APC2: variants seen among roughly 807,000 people sequenced by gnomAD.
APC2 encodes the protein adenomatous polyposis coli protein 2.
APC2 carries 41 observed loss-of-function variants against 72.5 expected under a neutral mutation model. That is an observed-to-expected ratio of 0.57 (90% CI 0.44 to 0.73). The LOEUF is 0.73. Ranked by LOEUF, APC2 falls within the 30% of genes least tolerant of loss-of-function variation. The pLI, the probability that APC2 is intolerant of heterozygous loss-of-function variation, is 0.00. For missense variants in APC2, 3,729 were observed against 3,403.4 expected (o/e 1.10, Z -2.38); for synonymous variants, 1,898 against 1,612.0 (o/e 1.18, Z -4.25).
At chr19:1,449,406 C>T (rs988840264), upstream of APC2, among the ~76,000 whole-genome samples, 9 of 152,152 alleles carry the variant, frequency 5.9e-5, no homozygotes, top group African/African-American at 1.9e-4. Context: ...GACCCCTGGC[C>T]CTTCCCTCCT....
chr19:1,469,094 G>C lies in APC2; in HGVS notation c.5793G>C (p.Pro1931=), dbSNP rs200464281. ...HKTQRSPVRI[P]FMQRPARRGP... is the part of the protein sequence containing the mutation. ...CGCAGAGATCGCCCGTGCGGATCCCGTTCATGCAGAGGCCGGCCCGGCGTG... is the reference window on the plus strand; with the variant it reads ...CGCAGAGATCGCCCGTGCGGATCCCCTTCATGCAGAGGCCGGCCCGGCGTG... Residue 1931 remains proline, a synonymous_variant, in exon 15 of 15, where the codon CCG becomes CCC. Coordinates refer to ENST00000590469, the MANE Select transcript of APC2 (RefSeq NM_005883.3). 3.1e-5 allele frequency: 45 copies of C among 1,463,476 alleles called. No homozygotes were observed. Among genetic ancestry groups the C allele is most frequent in the African/African-American group, 4.5e-5 (3 of 67,240 alleles). 90.7% of individuals were successfully genotyped at this position (1,463,476 alleles called of 1,614,324 possible). A position where few individuals can be genotyped will look rare whatever the true frequency, so the allele number is the denominator to read the frequency against.
Position 1,456,885 on chromosome 19 carries a change from G to A in APC2, c.849G>A (p.Leu283=), listed in dbSNP as rs200347634. Residue 283 remains leucine, a synonymous_variant, in exon 9 of 15, where the codon TTG becomes TTA. Transcript: ENST00000590469. ...VEVVFWLLSM[L]ATRDQEDTAR... ...TGGTCTTCTGGCTGTTGTCCATGTT[G>A]GCGACGCGCGACCAGGAGGATACAG... is the stretch of plus-strand genomic sequence containing the variant. 48 of 1,592,890 alleles carry A rather than the reference G, an allele frequency of 3.0e-5. No homozygotes were observed. In the African/African-American group the frequency reaches 5.9e-4, roughly 20 times the overall value.
At position 1,469,547 on chromosome 19, in the gene APC2, C is replaced by A; in HGVS notation, c.6246C>A (p.Ser2082=). The change falls in exon 15 of 15, where the codon TCC becomes TCA. Residue 2082 remains serine (S), a synonymous_variant. Transcript: ENST00000590469. ...PARRTTSESP[S]RLPVRAPAAR... ...GGCGCACCACCTCCGAGAGCCCGTCCCGCCTGCCTGTGCGCGCGCCCGCCG... is the reference window on the plus strand; with the variant it reads ...GGCGCACCACCTCCGAGAGCCCGTCACGCCTGCCTGTGCGCGCGCCCGCCG... 1.6e-6 allele frequency: 2 copies of A among 1,220,318 alleles called. No individual in the cohort carries two copies. The highest frequency in any genetic ancestry group is 1.0e-6 in the Non-Finnish European group (1 of 965,718). The allele number at this position is 1,220,318 out of a possible 1,614,324, so 75.6% of individuals were successfully genotyped here. A position where few individuals can be genotyped will look rare whatever the true frequency, so the allele number is the denominator to read the frequency against.
Position 1,452,935 on chromosome 19 carries a change from C to T in APC2, c.-18-49C>T, listed in dbSNP as rs553861145. 51 of 1,581,402 alleles carry T rather than the reference C, an allele frequency of 3.2e-5. No homozygotes were observed. Among genetic ancestry groups the T allele is most frequent in the Admixed American group, 5.2e-5 (3 of 57,958 alleles). On this transcript the variant is annotated intron_variant, in intron 1 of 14. Transcript: ENST00000590469. The surrounding 1 kb of genome is among the most constrained non-coding windows in gnomAD (Gnocchi z 5.1). ...GGGCCGTCTGTCCGGAAGGCATCAC[C>T]GCGCCCTCCCCAGACCATCAGCTGA...
chr19:1,461,444 C>A (rs938128774), intron 13 of APC2: 1 of 483,928 alleles, frequency 2.1e-6, no homozygotes, highest in Non-Finnish European at 3.7e-6. Context: ...CAGCGGGCGC[C>A]TGTTAGTCCA....
At position 1,465,278 on chromosome 19, in the gene APC2, C is replaced by T. The variant is rs1568177264; in HGVS notation, c.1977C>T (p.Asp659=). 6.2e-7 allele frequency: 1 copy of T among 1,605,356 alleles called. No homozygotes were observed. The highest frequency in any genetic ancestry group is 8.5e-7 in the Non-Finnish European group (1 of 1,178,896). The change falls in exon 15 of 15, where the codon GAC becomes GAT. Residue 659 remains aspartate, a synonymous_variant. Transcript: ENST00000590469. ...LWNLSARSAR[D]QELLWDLGAV... ...ACCTGTCGGCCCGCAGCGCCCGTGA[C>T]CAGGAGCTGCTGTGGGACCTGGGCG...
upstream of APC2, among the ~76,000 whole-genome samples, chr19:1,447,496 G>C (rs2083698169): frequency 6.6e-6 from 1 of 152,160 alleles, no homozygotes; most frequent in African/African-American, 2.4e-5. Flanking sequence ...GCCTAGGTCG[G>C]GGTCTTGGGC....
rs753530760 is a variant in APC2 at position 1,465,950 on chromosome 19, G to T, written c.2649G>T (p.Ala883=). 1 of 1,577,286 alleles carries T rather than the reference G, an allele frequency of 6.3e-7. No individual in the cohort carries two copies. ...SLSSGDPGQE[A]PREGRAQSCS... ...GCTCTGGAGACCCGGGACAGGAGGC[G>T]CCACGGGAGGGCCGCGCCCAGTCCT... Residue 883 remains alanine (A), a synonymous_variant, in exon 15 of 15, where the codon GCG becomes GCT. Transcript: ENST00000590469.
At position 1,456,840 on chromosome 19, in the gene APC2, GC is replaced by G; in HGVS notation, c.817-10del. ...AGGTGAGGGACCCCACCCTGACCCT[GC>G]CCTCCCCCCAGGTGGAGGTGGTCTT... On this transcript the variant is annotated splice_polypyrimidine_tract_variant and intron_variant, in intron 8 of 14. Transcript: ENST00000590469. 5.0e-6 allele frequency: 8 copies of G among 1,591,412 alleles called. No individual in the cohort carries two copies. Among genetic ancestry groups the G allele is most frequent in the Admixed American group, 1.7e-5 (1 of 58,356 alleles).
At position 1,466,422 on chromosome 19, in the gene APC2, G is replaced by A. The variant is rs1202975069; in HGVS notation, c.3121G>A (p.Glu1041Lys). 1.3e-6 allele frequency: 2 copies of A among 1,597,472 alleles called. No individual in the cohort carries two copies. The highest frequency in any genetic ancestry group is 1.7e-6 in the Non-Finnish European group (2 of 1,178,844). ...GGCAGACCACCTGAGCAAGGTTCCC[G>A]AGAAGCTGGCGGCTGCCCCGCTGTC... ...LPADHLSKVPEKLAAAPLSVA... is the reference protein window; with the variant it reads ...LPADHLSKVPKKLAAAPLSVA... Residue 1041 changes from glutamate to lysine, a missense_variant, in exon 15 of 15, where the codon GAG becomes AAG. Glu to Lys is a moderately conservative substitution (Grantham distance 56, BLOSUM62 1). Transcript: ENST00000590469.
chr19:1,468,212 G>A lies in APC2; in HGVS notation c.4911G>A (p.Leu1637=). Residue 1637 remains leucine (L), a synonymous_variant, in exon 15 of 15, where the codon CTG becomes CTA. Coordinates refer to ENST00000590469, the MANE Select transcript of APC2 (RefSeq NM_005883.3). ...TGCAGCGGTGCATCAGCTCGGCCCT[G>A]CCCAGGCGCCGGCCCCCCGTGTCTG... ...ELLQRCISSA[L]PRRRPPVSGL... 2.0e-6 allele frequency: 3 copies of A among 1,475,280 alleles called. No individual in the cohort carries two copies. Among genetic ancestry groups the A allele is most frequent in the Non-Finnish European group, 1.8e-6 (2 of 1,121,946 alleles). The allele number at this position is 1,475,280 out of a possible 1,614,324, so 91.4% of individuals were successfully genotyped here.
intron 14 of APC2, 97 bp downstream of exon 14, chr19:1,462,274 A>C (rs1435124305): frequency 1.8e-6 from 2 of 1,135,690 alleles, no homozygotes; most frequent in Admixed American, 4.9e-5. Context: ...CATGCTCCCA[A>C]GGCTTCCCCA....
Position 1,467,645 on chromosome 19 carries a change from C to T in APC2, c.4344C>T (p.Ala1448=), listed in dbSNP as rs1346610174. The T allele has an allele frequency of 2.0e-6, 3 of 1,480,140 alleles. No homozygotes were observed. The highest frequency in any genetic ancestry group is 2.3e-5 in the Admixed American group (1 of 43,736). 91.7% of individuals were successfully genotyped at this position (1,480,140 alleles called of 1,614,324 possible). A position where few individuals can be genotyped will look rare whatever the true frequency, so the allele number is the denominator to read the frequency against. ...GGCACCGGCACAAGGCGGGAGGCGC[C>T]GGCCGCAGCGCGGAGCAGTCTCGGG... The part of the protein sequence containing the change: ...AMGHRHKAGG[A]GRSAEQSRGA... The change falls in exon 15 of 15, where the codon GCC becomes GCT. Residue 1448 remains alanine (A), a synonymous_variant. Coordinates refer to ENST00000590469, the MANE Select transcript of APC2 (RefSeq NM_005883.3).
rs115085389 is a variant in APC2 at position 1,458,290 on chromosome 19, G to A, written c.1303+230G>A. 3.7e-3 allele frequency: 2,126 copies of A among 567,850 alleles called. 33 individuals carry two copies. The highest frequency in any genetic ancestry group is 0.036 in the African/African-American group (1,892 of 53,044). 35.2% of individuals were successfully genotyped at this position (567,850 alleles called of 1,614,324 possible). A position where few individuals can be genotyped will look rare whatever the true frequency, so the allele number is the denominator to read the frequency against. The stretch of plus-strand genomic sequence containing the variant: ...GCCTCCCGATCTGGTCTGAGGCTTC[G>A]GGGGTGACTTTCAGCCCTAAGTTCC... On this transcript the variant is annotated intron_variant, in intron 10 of 14. Coordinates refer to ENST00000590469, the MANE Select transcript of APC2 (RefSeq NM_005883.3).
chr19:1,457,042 G>T lies in APC2; in HGVS notation c.1006G>T (p.Gly336Trp). The change falls in exon 9 of 15, where the codon GGG becomes TGG. Residue 336 changes from glycine to tryptophan, a missense_variant. Coordinates refer to ENST00000590469, the MANE Select transcript of APC2 (RefSeq NM_005883.3). ...GGCCGGGGGTCGCGCCGGGGCCCCA[G>T]GGGCACCGGGCGCCAAGGACGCACG... Reference protein sequence around the residue: ...AAAGGRAGAPGAPGAKDARMR... With the variant: ...AAAGGRAGAPWAPGAKDARMR... 6.5e-7 allele frequency: 1 copy of T among 1,527,998 alleles called. No homozygotes were observed. The highest frequency in any genetic ancestry group is 1.2e-5 in the South Asian group (1 of 82,426). 94.7% of individuals were successfully genotyped at this position (1,527,998 alleles called of 1,614,324 possible).
rs761086410 is a variant in APC2, at chr19:1,469,236, C to T, written c.5935C>T (p.Leu1979Phe). ...RLGLVRVASA[L>F]SSGSESSDRS... ...GGGCCTGGTGCGTGTGGCCTCAGCC[C>T]TCTCCAGCGGCAGCGAGTCCTCCGA... Residue 1979 changes from leucine (L) to phenylalanine (F), a missense_variant, in exon 15 of 15, where the codon CTC (leucine) becomes TTC (phenylalanine). Coordinates refer to ENST00000590469, the MANE Select transcript of APC2 (RefSeq NM_005883.3). 2.8e-6 allele frequency: 4 copies of T among 1,424,590 alleles called. No individual in the cohort carries two copies. Among genetic ancestry groups the T allele is most frequent in the Non-Finnish European group, 1.8e-6 (2 of 1,086,916 alleles). The allele number at this position is 1,424,590 out of a possible 1,614,324, so 88.2% of individuals were successfully genotyped here.
chr19:1,457,374 C>T (rs1599139702), intron 9 of APC2, 131 bp downstream of exon 9: 21 of 1,298,814 alleles, frequency 1.6e-5, no homozygotes, highest in Admixed American at 3.4e-5. Context: ...TACCAGGCTC[C>T]GGCCGAGGCC....
chr19:1,459,429 T>C (rs1208312617), intron 10 of APC2, among the ~76,000 whole-genome samples: 2 of 152,204 alleles, frequency 1.3e-5, no homozygotes, highest in Non-Finnish European at 2.9e-5. Context: ...CAGGGCACGC[T>C]GGGCTGACCC....
At chr19:1,454,626 C>T (rs567582166) in intron 4 of APC2, among the ~76,000 whole-genome samples, 2 of 147,450 alleles carry the variant, frequency 1.4e-5, no homozygotes, top group East Asian at 4.0e-4. Flanking sequence ...TGCAGTGGCG[C>T]GATCTCGGCT....
Sources: gnomAD v4.1 joint callset for allele counts (sites outside exome capture counted in the v4.1 genomes callset) on GRCh38, gnomAD v4.1.1 for gene constraint, Gnocchi (gnomAD v3.1) non-coding constraint, MANE v1.5 for transcripts, NCBI Gene and HGNC (gene_info 2026-07-23, HGNC 2026-07-21) for gene names.